MYO7A: variants seen among roughly 807,000 people sequenced by gnomAD.
MYO7A encodes the protein unconventional myosin-VIIa.
A neutral mutation model predicts 263.8 loss-of-function variants in MYO7A; 210 were observed. The ratio of observed to expected loss-of-function variants is 0.80; its 90% CI spans 0.71 to 0.89. MYO7A has a LOEUF of 0.89. Among genes scored for constraint, MYO7A ranks in the 40% least tolerant of loss-of-function variants. The pLI is 0.00. For synonymous variants in MYO7A, 1,239 were observed against 1,197.3 expected (o/e 1.03, Z -0.72); for missense variants, 2,820 against 2,968.3 (o/e 0.95, Z 1.16).
intron 4 of MYO7A, among the ~76,000 whole-genome samples, chr11:77,150,924 A>G (rs782127130): frequency 6.6e-6 from 1 of 152,178 alleles, no homozygotes. Flanking sequence ...CCTGTCCCTG[A>G]CCATGGCAAC....
intron 11 of MYO7A, 29 bp downstream of exon 11, chr11:77,160,311 C>T (rs567445145): frequency 1.8e-5 from 27 of 1,542,286 alleles, no homozygotes; most frequent in East Asian, 7.4e-5. Flanking sequence ...GCCGCTTGCT[C>T]GCCCTACCCC....
chr11:77,137,505 C>T (rs1338942766), intron 2 of MYO7A, among the ~76,000 whole-genome samples: 1 of 152,086 alleles, frequency 6.6e-6, no homozygotes, highest in Admixed American at 6.5e-5. Context: ...CAAAGATAGG[C>T]AGGGCAAGGC....
intron 15 of MYO7A, among the ~76,000 whole-genome samples, chr11:77,170,625 G>T (rs1954003143): frequency 1.3e-5 from 2 of 152,150 alleles, no homozygotes; most frequent in Non-Finnish European, 2.9e-5. Context: ...CCTGTCTGAA[G>T]GCCCTGTGCT....
chr11:77,182,941 G>A, intron 25 of MYO7A, 127 bp from the exon 26 acceptor site: 1 of 830,568 alleles, frequency 1.2e-6, no homozygotes, highest in Non-Finnish European at 2.0e-6. Context: ...GTGGACGGTG[G>A]CAGTGTGGGG....
chr11:77,171,262 T>C (rs3781696), intron 15 of MYO7A, among the ~76,000 whole-genome samples: 25,635 of 152,098 alleles, frequency 0.17, 3,577 homozygotes, highest in African/African-American at 0.37. Context: ...TGTGTGTGTG[T>C]GCATGCGTAT....
chr11:77,203,689 G>A (rs544661011), intron 38 of MYO7A, among the ~76,000 whole-genome samples: 35 of 152,284 alleles, frequency 2.3e-4, no homozygotes, highest in Non-Finnish European at 4.6e-4. Context: ...GCAAGGCCCC[G>A]AGGCACACAG....
At chr11:77,137,362 C>G (rs1239460650) in intron 2 of MYO7A, among the ~76,000 whole-genome samples, 1 of 152,162 alleles carries the variant, frequency 6.6e-6, no homozygotes, top group Non-Finnish European at 1.5e-5. Flanking sequence ...CCCCCGCCCC[C>G]ACTCTCTGCC....
rs782104352 is a variant in MYO7A at position 77,160,207 on chromosome 11, C to T, written c.1125C>T (p.Leu375=). ...TGAGCTGCCTGACTAGCCGCACCCTCATCACCCGCGGGGAGACGGTGTCCA... is the reference window on the plus strand; with the variant it reads ...TGAGCTGCCTGACTAGCCGCACCCTTATCACCCGCGGGGAGACGGTGTCCA... ...DLMSCLTSRT[L]ITRGETVSTP... Residue 375 remains leucine (L), a synonymous_variant, in exon 11 of 49, where the codon CTC becomes CTT. Coordinates refer to ENST00000409709, the MANE Select transcript of MYO7A (RefSeq NM_000260.4). 1.9e-6 allele frequency: 3 copies of T among 1,580,736 alleles called. No individual in the cohort carries two copies. The highest frequency in any genetic ancestry group is 2.3e-5 in the East Asian group (1 of 42,698).
intron 16 of MYO7A, 75 bp downstream of exon 16, chr11:77,172,960 G>T: frequency 1.3e-6 from 2 of 1,482,492 alleles, no homozygotes; most frequent in Non-Finnish European, 1.8e-6. Context: ...AATAAGGTAG[G>T]GTGGGAGTGA....
Position 77,213,003 on chromosome 11 carries a change from T to C in MYO7A, c.6406T>C (p.Tyr2136His), listed in dbSNP as rs1957974886. The C allele has an allele frequency of 6.3e-7, 1 of 1,591,474 alleles. No individual in the cohort carries two copies. Among genetic ancestry groups the C allele is most frequent in the Non-Finnish European group, 8.6e-7 (1 of 1,168,346 alleles). ...GATCCTCCTAATTGCCATCAACAAG[T>C]ATGGGGTCAGCCTCATCGATCCCAA... ...PEILLIAINK[Y>H]GVSLIDPKTK... is the part of the protein sequence containing the mutation. Residue 2136 changes from tyrosine (Y) to histidine (H), a missense_variant, in exon 47 of 49, where the codon TAT becomes CAT. By Grantham distance (83) the Tyr-to-His change is moderately conservative. Transcript: ENST00000409709.
chr11:77,142,110 C>T (rs532996531), intron 2 of MYO7A, among the ~76,000 whole-genome samples: 8 of 152,318 alleles, frequency 5.3e-5, no homozygotes, highest in South Asian at 2.1e-4. Context: ...ATGAGTAGTG[C>T]GAGTCAGGCC....
chr11:77,160,910 G>A (rs892643827), intron 11 of MYO7A, 63 bp from the exon 12 acceptor site: 3 of 1,554,382 alleles, frequency 1.9e-6, no homozygotes, highest in Non-Finnish European at 8.7e-7. Context: ...AAGGGTCCAG[G>A]AGCCTGGCCT....
At chr11:77,185,427 T>C (rs1397014232) in intron 27 of MYO7A, among the ~76,000 whole-genome samples, 1 of 152,254 alleles carries the variant, frequency 6.6e-6, no homozygotes, top group Non-Finnish European at 1.5e-5. Context: ...GTTCACAGCA[T>C]CTTCACCAAT....
Position 77,176,458 on chromosome 11 carries a change from T to C in MYO7A, c.2187+994T>C, listed in dbSNP as rs1954661833. ...GAAATATTATACCCATTTCACAGGC[T>C]CAGAGAGAAGTGAGTTGCCTGAAAC... On this transcript the variant is annotated intron_variant, in intron 18 of 48. Coordinates refer to ENST00000409709, the MANE Select transcript of MYO7A (RefSeq NM_000260.4). Among the ~76,000 whole-genome samples, 4 of 152,260 alleles carry C rather than the reference T, an allele frequency of 2.6e-5. No homozygotes were observed. In the South Asian group the frequency reaches 8.3e-4, roughly 32 times the overall value.
chr11:77,137,353 C>T (rs1950943654), intron 2 of MYO7A, among the ~76,000 whole-genome samples: 1 of 152,108 alleles, frequency 6.6e-6, no homozygotes, highest in African/African-American at 2.4e-5. Context: ...CCACCCAGTC[C>T]CCCGCCCCCA....
chr11:77,141,912 C>G (rs2135612624), intron 2 of MYO7A, among the ~76,000 whole-genome samples: 1 of 152,368 alleles, frequency 6.6e-6, no homozygotes, highest in African/African-American at 2.4e-5. Flanking sequence ...AGTTTTTTGT[C>G]ACCACCTCTA....
At chr11:77,185,368 CA>C (rs1282168580) in intron 27 of MYO7A, among the ~76,000 whole-genome samples, 1 of 152,222 alleles carries the variant, frequency 6.6e-6, no homozygotes, top group Non-Finnish European at 1.5e-5. Flanking sequence ...GCTGCTTTAT[CA>C]ATTAAGTTGA....
At chr11:77,137,996 A>C (rs1418168818) in intron 2 of MYO7A, among the ~76,000 whole-genome samples, 1 of 152,136 alleles carries the variant, frequency 6.6e-6, no homozygotes, top group East Asian at 1.9e-4. Context: ...CATAGAAAAA[A>C]ACATGACGAT....
rs886048669 is a variant in MYO7A, at chr11:77,147,821, C to T, written c.156C>T (p.Asn52=). Residue 52 remains asparagine (N), a synonymous_variant, in exon 4 of 49, where the codon AAC becomes AAT. Transcript: ENST00000409709. ...AGGAACACTGGATCTCTCCGCAGAA[C>T]GCAACGCACATCAAGCCTATGCACC... ...EDNEHWISPQ[N]ATHIKPMHPT... 2 of 1,610,448 alleles carry T rather than the reference C, an allele frequency of 1.2e-6. No homozygotes were observed. The highest frequency in any genetic ancestry group is 1.7e-6 in the Non-Finnish European group (2 of 1,178,952).
Sources: allele counts gnomAD v4.1 joint callset (sites outside exome capture counted in the v4.1 genomes callset), GRCh38; gene constraint gnomAD v4.1.1; transcripts MANE v1.5; gene names NCBI Gene and HGNC (gene_info 2026-07-23, HGNC 2026-07-21).